Variants in NDUFAF5 observed in about 807,000 individuals in gnomAD.
NDUFAF5 encodes the protein NADH:ubiquinone oxidoreductase complex assembly factor 5.
A neutral mutation model predicts 48.9 loss-of-function variants in NDUFAF5; 34 were observed. The observed-to-expected ratio is 0.70, with a 90% CI of 0.53 to 0.93. The LOEUF (loss-of-function observed/expected upper bound fraction) is 0.93, where lower values mean the gene tolerates loss of function less well. Ranked by LOEUF, NDUFAF5 falls within the 40% of genes least tolerant of loss-of-function variation. NDUFAF5 has a pLI of 0.00. For synonymous variants in NDUFAF5, 153 were observed against 150.6 expected, an observed-to-expected ratio of 1.02 and a Z score of -0.12; for missense variants, 428 against 427.5, an observed-to-expected ratio of 1.00 and a Z score of -0.01.
intron 8 of NDUFAF5, 47 bp downstream of exon 8, chr20:13,808,949 CAAAA>C (rs765610322): frequency 1.6e-6 from 2 of 1,287,800 alleles, no homozygotes; most frequent in Non-Finnish European, 1.1e-6. Context: ...AAAGGTAGGC[CAAAA>C]AAAAAGAATT....
At chr20:13,816,289 T>C in intron 8 of NDUFAF5, 174 bp from the exon 9 acceptor site, 1 of 677,452 alleles carries the variant, frequency 1.5e-6, no homozygotes. Flanking sequence ...AGTTTCGCTT[T>C]AGAGTCACTA....
chr20:13,816,057 G>T, intron 8 of NDUFAF5: 1 of 295,410 alleles, frequency 3.4e-6, no homozygotes, highest in South Asian at 3.7e-5. Flanking sequence ...TTAGGAGTGA[G>T]GCATTGTTGC....
intron 7 of NDUFAF5, among the ~76,000 whole-genome samples, chr20:13,803,824 C>T (rs1234984267): frequency 1.3e-5 from 2 of 151,848 alleles, no homozygotes; most frequent in African/African-American, 4.8e-5. Flanking sequence ...TTCACTCTGC[C>T]ACCCAGGCTG....
At chr20:13,794,966 C>G (rs1568755331) in intron 5 of NDUFAF5, 25 bp downstream of exon 5, 1 of 1,461,530 alleles carries the variant, frequency 6.8e-7, no homozygotes, top group Non-Finnish European at 9.6e-7. Flanking sequence ...TTTTAAAAAC[C>G]ATATGTTATA....
chr20:13,810,389 T>C (rs1230025054), intron 8 of NDUFAF5, among the ~76,000 whole-genome samples: 1 of 152,186 alleles, frequency 6.6e-6, no homozygotes, highest in Non-Finnish European at 1.5e-5. Flanking sequence ...GGAAGTCCGC[T>C]AGATTTAGGA....
Position 13,818,027 on chromosome 20 carries a change from GT to G in NDUFAF5, c.*819del, listed in dbSNP as rs1489106707. 5 of 453,238 alleles carry G rather than the reference GT, an allele frequency of 1.1e-5. No homozygotes were observed. The highest frequency in any genetic ancestry group is 1.8e-5 in the Non-Finnish European group (4 of 226,454). 28.1% of individuals were successfully genotyped at this position (453,238 alleles called of 1,614,324 possible). A position where few individuals can be genotyped will look rare whatever the true frequency, so the allele number is the denominator to read the frequency against. ...CTAAGTGTTTTGTTTCCAGTTAGCT[GT>G]TCGCTGTCTTTTCCATTTAACCTGG... On this transcript the variant is annotated 3_prime_UTR_variant, in exon 11 of 11. Coordinates refer to ENST00000378106, the MANE Select transcript of NDUFAF5 (RefSeq NM_024120.5).
intron 3 of NDUFAF5, among the ~76,000 whole-genome samples, chr20:13,789,765 C>T (rs1241988402): frequency 6.6e-6 from 1 of 152,156 alleles, no homozygotes; most frequent in African/African-American, 2.4e-5. Context: ...CGTGAGCCAC[C>T]ATGCCCAGCC....
intron 6 of NDUFAF5, among the ~76,000 whole-genome samples, chr20:13,801,035 A>G: frequency 6.6e-6 from 1 of 152,194 alleles, no homozygotes; most frequent in South Asian, 2.1e-4. Flanking sequence ...TCTTTTGGCC[A>G]AAGCGAGTCA....
At chr20:13,811,176 AGAGT>A (rs989412329) in intron 8 of NDUFAF5, among the ~76,000 whole-genome samples, 4 of 152,202 alleles carry the variant, frequency 2.6e-5, no homozygotes, top group African/African-American at 9.6e-5. Context: ...GGAACAAGAA[AGAGT>A]GAGCTGATAA....
chr20:13,798,303 T>C (rs1342415673), intron 5 of NDUFAF5, among the ~76,000 whole-genome samples, 158 bp from the exon 6 acceptor site: 1 of 152,260 alleles, frequency 6.6e-6, no homozygotes, highest in Non-Finnish European at 1.5e-5. Context: ...GGAATATTTA[T>C]AATTTTAAAA....
chr20:13,803,605 T>C (rs2147565883), intron 7 of NDUFAF5, among the ~76,000 whole-genome samples: 1 of 152,274 alleles, frequency 6.6e-6, no homozygotes, highest in South Asian at 2.1e-4. Flanking sequence ...CACTACACAC[T>C]GAAAAGTAAT....
At chr20:13,808,582 T>TA (rs1217195303) in intron 7 of NDUFAF5, among the ~76,000 whole-genome samples, 12 of 152,166 alleles carry the variant, frequency 7.9e-5, no homozygotes, top group Non-Finnish European at 1.6e-4. Context: ...AGAATACTCT[T>TA]ATTCTGTGTG....
chr20:13,790,394 C>T (rs1364142833), intron 3 of NDUFAF5, among the ~76,000 whole-genome samples: 4 of 152,184 alleles, frequency 2.6e-5, no homozygotes, highest in East Asian at 3.8e-4. Flanking sequence ...CACATCTAAT[C>T]CGTCAGCAGC....
chr20:13,807,594 A>G (rs1301898976), intron 7 of NDUFAF5, among the ~76,000 whole-genome samples: 1 of 151,840 alleles, frequency 6.6e-6, no homozygotes, highest in Non-Finnish European at 1.5e-5. Flanking sequence ...TTTATAGAAT[A>G]CATATTCTTT....
chr20:13,809,427 C>A (rs905319058), intron 8 of NDUFAF5, among the ~76,000 whole-genome samples: 1 of 152,092 alleles, frequency 6.6e-6, no homozygotes, highest in African/African-American at 2.4e-5. Flanking sequence ...ACTGGGTAGA[C>A]AGAGTAGGCA....
chr20:13,816,643 A>C, intron 9 of NDUFAF5, 97 bp downstream of exon 9: 3 of 1,002,096 alleles, frequency 3.0e-6, no homozygotes, highest in Non-Finnish European at 3.2e-6. Flanking sequence ...CATTCCTGTT[A>C]AGGCTCCCTC....
At chr20:13,809,579 G>A (rs893076589) in intron 8 of NDUFAF5, among the ~76,000 whole-genome samples, 5 of 152,222 alleles carry the variant, frequency 3.3e-5, no homozygotes, top group Admixed American at 1.3e-4. Context: ...GTGGGTCAAC[G>A]TGAGTCACAG....
chr20:13,811,038 A>T (rs559914424), intron 8 of NDUFAF5, among the ~76,000 whole-genome samples: 11 of 152,302 alleles, frequency 7.2e-5, no homozygotes, highest in African/African-American at 2.4e-4. Flanking sequence ...CGAAAATCGG[A>T]TAGTTGAATT....
chr20:13,819,164 G>T lies in NDUFAF5; in HGVS notation c.*1954G>T, dbSNP rs898179427. The T allele has an allele frequency of 6.6e-6, 1 of 152,136 alleles. No individual in the cohort carries two copies. Among genetic ancestry groups the T allele is most frequent in the African/African-American group, 2.4e-5 (1 of 41,420 alleles). 9.4% of individuals were successfully genotyped at this position (152,136 alleles called of 1,614,324 possible). A position where few individuals can be genotyped will look rare whatever the true frequency, so the allele number is the denominator to read the frequency against. On this transcript the variant is annotated 3_prime_UTR_variant, in exon 11 of 11. Coordinates refer to ENST00000378106, the MANE Select transcript of NDUFAF5 (RefSeq NM_024120.5). ...ATTATTTTTGTAGTTAAATCTGCTG[G>T]AAGTGTGCTATTAAGCTTTTATTGT...
Sources: allele counts gnomAD v4.1 joint callset (sites outside exome capture counted in the v4.1 genomes callset), GRCh38; gene constraint gnomAD v4.1.1; transcripts MANE v1.5; gene names NCBI Gene and HGNC (gene_info 2026-07-23, HGNC 2026-07-21).